The following OR6N1 variants were observed in gnomAD, a reference collection of about 807,000 sequenced individuals.
OR6N1 encodes the protein olfactory receptor family 6 subfamily N member 1, also known as olfactory receptor 6N1.
For synonymous variants in OR6N1, 170 were observed against 150.7 expected, an observed-to-expected ratio of 1.13 and a Z score of -0.94; for missense variants, 394 against 371.7, an observed-to-expected ratio of 1.06 and a Z score of -0.49.
chr1:158,833,081 C>T, the OR6N1 span, among the ~76,000 whole-genome samples: 1 of 152,108 alleles, frequency 6.6e-6, no homozygotes, highest in Non-Finnish European at 1.5e-5. Context: ...TACAACTTCA[C>T]CTGTTAAGAG....
At chr1:158,809,177 A>C in the OR6N1 span, 47 of 153,100 alleles carry the variant, frequency 3.1e-4, no homozygotes, top group African/African-American at 1.1e-3. Context: ...TGAACAGTCC[A>C]GAATCTAACT....
the OR6N1 span, among the ~76,000 whole-genome samples, chr1:158,811,506 C>G: frequency 6.6e-6 from 1 of 152,174 alleles, no homozygotes; most frequent in African/African-American, 2.4e-5. Flanking sequence ...CTATCAGCAT[C>G]ATTTTCATAA....
upstream of OR6N1, among the ~76,000 whole-genome samples, chr1:158,774,052 A>C (rs902353421): frequency 6.6e-6 from 1 of 152,186 alleles, no homozygotes; most frequent in African/African-American, 2.4e-5. Context: ...ATCATTTCCC[A>C]AAAACTATGA....
At chr1:158,767,070 T>C (rs1051729019) in intron 1 of OR6N1, among the ~76,000 whole-genome samples, 1 of 152,354 alleles carries the variant, frequency 6.6e-6, no homozygotes, top group South Asian at 2.1e-4. Flanking sequence ...GTAAAAATCA[T>C]CATTTATACT....
intron 1 of OR6N1, among the ~76,000 whole-genome samples, chr1:158,767,666 A>C (rs1341621555): frequency 1.3e-5 from 2 of 152,212 alleles, no homozygotes; most frequent in African/African-American, 4.8e-5. Context: ...ATACTCTATC[A>C]ATGTAAAAAC....
At chr1:158,789,616 C>T in the OR6N1 span, among the ~76,000 whole-genome samples, 1 of 152,106 alleles carries the variant, frequency 6.6e-6, no homozygotes, top group Non-Finnish European at 1.5e-5. Context: ...TCTATAACTC[C>T]TAGCCATTAT....
At chr1:158,829,503 A>G in the OR6N1 span, among the ~76,000 whole-genome samples, 1 of 152,154 alleles carries the variant, frequency 6.6e-6, no homozygotes, top group East Asian at 1.9e-4. Context: ...CAAGTCCCTC[A>G]TCTCCATCTG....
rs750291615 is a variant in OR6N1 at position 158,766,454 on chromosome 1, T to G, written c.229A>C (p.Thr77Pro). Residue 77 changes from threonine (T) to proline (P), a missense_variant, in exon 2 of 2, where the codon ACC becomes CCC. Thr to Pro is a conservative substitution (Grantham distance 38). Transcript: ENST00000641846. ...AAGTTTGCCAGCATCTTAGGGATGG[T>G]GGCAGCTGTATAGCCAAGCTCTGAG... ...SFSELGYTAA[T>P]IPKMLANLLS... 6.2e-7 allele frequency: 1 copy of G among 1,614,110 alleles called. No homozygotes were observed. Among genetic ancestry groups the G allele is most frequent in the Non-Finnish European group, 8.5e-7 (1 of 1,180,012 alleles).
the OR6N1 span, among the ~76,000 whole-genome samples, chr1:158,794,484 G>A: frequency 6.6e-6 from 1 of 152,184 alleles, no homozygotes; most frequent in Non-Finnish European, 1.5e-5. Context: ...GAGCCACCCA[G>A]TGGGGATTCC....
the OR6N1 span, among the ~76,000 whole-genome samples, chr1:158,801,062 T>A: frequency 6.6e-6 from 1 of 152,100 alleles, no homozygotes; most frequent in African/African-American, 2.4e-5. Flanking sequence ...CATGCACTCC[T>A]TCCCACCACT....
chr1:158,780,466 A>G, the OR6N1 span, among the ~76,000 whole-genome samples: 2 of 152,220 alleles, frequency 1.3e-5, no homozygotes, highest in Non-Finnish European at 2.9e-5. Context: ...AGAATACAAT[A>G]TAGATGCTCC....
the OR6N1 span, among the ~76,000 whole-genome samples, chr1:158,780,089 G>A: frequency 1.3e-5 from 2 of 152,148 alleles, no homozygotes; most frequent in Non-Finnish European, 2.9e-5. Flanking sequence ...GCAATACAAA[G>A]CTTACAGTAT....
chr1:158,773,519 C>G (rs1284208383), upstream of OR6N1, among the ~76,000 whole-genome samples: 1 of 152,118 alleles, frequency 6.6e-6, no homozygotes, highest in Non-Finnish European at 1.5e-5. Context: ...TATTCTGTCT[C>G]TATATGTGTT....
the OR6N1 span, among the ~76,000 whole-genome samples, chr1:158,805,825 C>A: frequency 1.3e-5 from 2 of 152,070 alleles, no homozygotes; most frequent in African/African-American, 4.8e-5. Context: ...TTCATTTGTT[C>A]AAATATGAGT....
the OR6N1 span, among the ~76,000 whole-genome samples, chr1:158,780,664 T>G: frequency 6.6e-6 from 1 of 152,220 alleles, no homozygotes; most frequent in Non-Finnish European, 1.5e-5. Context: ...GTATTGAATA[T>G]CTCATGTATT....
At chr1:158,801,145 G>C in the OR6N1 span, among the ~76,000 whole-genome samples, 1 of 150,194 alleles carries the variant, frequency 6.7e-6, no homozygotes, top group East Asian at 2.0e-4. Context: ...GTGTTAGTCA[G>C]TATGTTGCTG....
At chr1:158,773,530 G>A (rs1657475557), upstream of OR6N1, among the ~76,000 whole-genome samples, 1 of 152,128 alleles carries the variant, frequency 6.6e-6, no homozygotes, top group Non-Finnish European at 1.5e-5. Flanking sequence ...TATATGTGTT[G>A]GGGTAAATGT....
chr1:158,817,504 T>C, the OR6N1 span, among the ~76,000 whole-genome samples: 3 of 152,196 alleles, frequency 2.0e-5, no homozygotes, highest in Non-Finnish European at 4.4e-5. Flanking sequence ...TTACCTGCTT[T>C]ATATATTAAT....
chr1:158,828,891 G>A, the OR6N1 span, among the ~76,000 whole-genome samples: 1 of 152,172 alleles, frequency 6.6e-6, no homozygotes, highest in Admixed American at 6.5e-5. Flanking sequence ...CTCAATTCTT[G>A]ACTTCTCTGC....
Sources: gnomAD v4.1 joint callset for allele counts (sites outside exome capture counted in the v4.1 genomes callset) on GRCh38, gnomAD v4.1.1 for gene constraint, MANE v1.5 for transcripts, NCBI Gene and HGNC (gene_info 2026-07-23, HGNC 2026-07-21) for gene names.